Variants in ANO6 observed in about 807,000 individuals in gnomAD.
The protein encoded by ANO6 is anoctamin 6, also known as anoctamin-6.
ANO6 carries 106 observed loss-of-function variants against 117.5 expected under a neutral mutation model. That is an observed-to-expected ratio of 0.90 (90% CI 0.77 to 1.06). ANO6 has a LOEUF of 1.06. Ranked by LOEUF, ANO6 falls within the 50% of genes least tolerant of loss-of-function variation. The probability of loss-of-function intolerance (pLI) is 0.00; values close to 1 mark genes in which losing one functional copy is unlikely to be tolerated. For missense variants in ANO6, 955 were observed against 1,121.1 expected (o/e 0.85, Z 2.12); for synonymous variants, 367 against 385.1 (o/e 0.95, Z 0.55).
chr12:45,389,233 A>G lies in ANO6; in HGVS notation c.1308+930A>G, dbSNP rs561384440. On this transcript the variant is annotated intron_variant, in intron 11 of 19. Transcript: ENST00000320560. ...TACAAATGGGAAAAAACGAGGTTCA[A>G]TTACCAGTAGAAAGTGACATTTGTC... 4.6e-5 allele frequency among the ~76,000 whole-genome samples: 7 copies of G among 152,358 alleles called. No individual in the cohort carries two copies. The East Asian group carries it at 7.7e-4, about 17-fold the overall frequency.
chr12:45,392,115 G>A (rs1942470051), intron 12 of ANO6, among the ~76,000 whole-genome samples: 1 of 152,218 alleles, frequency 6.6e-6, no homozygotes, highest in African/African-American at 2.4e-5. Flanking sequence ...AGCCGTGACA[G>A]ACTATCTGGA....
chr12:45,247,861 G>C (rs1947848747), intron 1 of ANO6, among the ~76,000 whole-genome samples: 1 of 152,152 alleles, frequency 6.6e-6, no homozygotes, highest in South Asian at 2.1e-4. Context: ...CATTGTACTG[G>C]GGGTTAGAGC....
intron 16 of ANO6, among the ~76,000 whole-genome samples, chr12:45,410,214 C>T (rs1943051611): frequency 6.6e-6 from 1 of 152,220 alleles, no homozygotes; most frequent in South Asian, 2.1e-4. Context: ...CCTGCAGGAG[C>T]ATGCAGCTTC....
rs1358332912 is a variant in ANO6 at position 45,405,108 on chromosome 12, T to TA, written c.1880+1573dup. On this transcript the variant is annotated intron_variant, in intron 15 of 19. Transcript: ENST00000320560. ...AGCTGTGAAATTCTTTTTTTTTTTT[T>TA]ATCCTACTCCGGAGAAAACAACCCT... 1.1e-4 allele frequency among the ~76,000 whole-genome samples: 17 copies of TA among 152,190 alleles called. No homozygotes were observed. In the East Asian group the frequency reaches 2.3e-3, roughly 21 times the overall value.
At position 45,421,289 on chromosome 12, in the gene ANO6, C is replaced by T. The variant is rs1943358566; in HGVS notation, c.2420+16C>T. 3 of 1,612,134 alleles carry T rather than the reference C, an allele frequency of 1.9e-6. No individual in the cohort carries two copies. The highest frequency in any genetic ancestry group is 2.2e-5 in the East Asian group (1 of 44,822). ...CCACATGCAGGCAAGTTCTGCTTTA[C>T]TTGTTTAAAAATGCACTTCATCTTT... On this transcript the variant is annotated intron_variant, in intron 18 of 19. Transcript: ENST00000320560.
intron 1 of ANO6, among the ~76,000 whole-genome samples, chr12:45,273,061 G>A (rs1938439649): frequency 6.6e-6 from 1 of 152,176 alleles, no homozygotes; most frequent in African/African-American, 2.4e-5. Context: ...GACACAGAAA[G>A]ACAAATACTG....
At chr12:45,341,691 T>C (rs1300227833) in intron 3 of ANO6, among the ~76,000 whole-genome samples, 1 of 152,142 alleles carries the variant, frequency 6.6e-6, no homozygotes. Flanking sequence ...GTGACTCTCA[T>C]AGTGTTCCTG....
At chr12:45,258,525 A>G (rs900627650) in intron 1 of ANO6, among the ~76,000 whole-genome samples, 1 of 151,432 alleles carries the variant, frequency 6.6e-6, no homozygotes, top group South Asian at 2.1e-4. Context: ...CTATCCTCAT[A>G]CTCCTCTTTA....
At chr12:45,275,601 G>C (rs1449308352) in intron 1 of ANO6, among the ~76,000 whole-genome samples, 1 of 152,144 alleles carries the variant, frequency 6.6e-6, no homozygotes, top group Non-Finnish European at 1.5e-5. Context: ...TGTTACGTAT[G>C]GTGTCTTTTC....
chr12:45,248,479 G>A (rs1460545194), intron 1 of ANO6, among the ~76,000 whole-genome samples: 3 of 148,846 alleles, frequency 2.0e-5, no homozygotes, highest in Admixed American at 2.0e-4. Context: ...TGTCGCCCAG[G>A]CTGGAGTGGA....
chr12:45,341,497 CAT>C, intron 3 of ANO6, among the ~76,000 whole-genome samples: 1 of 152,166 alleles, frequency 6.6e-6, no homozygotes, highest in African/African-American at 2.4e-5. Flanking sequence ...CTATGATATT[CAT>C]ATGTGCTATA....
intron 1 of ANO6, among the ~76,000 whole-genome samples, chr12:45,258,515 C>G (rs1311773300): frequency 6.6e-6 from 1 of 152,124 alleles, no homozygotes; most frequent in East Asian, 1.9e-4. Flanking sequence ...TTGGTGCCCT[C>G]TATCCTCATA....
At chr12:45,380,638 G>A (rs1942145167) in intron 10 of ANO6, among the ~76,000 whole-genome samples, 1 of 152,164 alleles carries the variant, frequency 6.6e-6, no homozygotes, top group Admixed American at 6.5e-5. Flanking sequence ...ATCAGATCTG[G>A]AACCCTAGCT....
intron 2 of ANO6, among the ~76,000 whole-genome samples, chr12:45,308,072 T>TTTTTTTG (rs71093873): frequency 1.4e-5 from 2 of 139,146 alleles, no homozygotes; most frequent in African/African-American, 2.8e-5. Flanking sequence ...TTTTTTTTTT[T>TTTTTTTG]GCCAAGCAAG....
downstream of ANO6, among the ~76,000 whole-genome samples, chr12:45,437,102 C>T (rs2137755698): frequency 6.6e-6 from 1 of 152,318 alleles, no homozygotes; most frequent in South Asian, 2.1e-4. Flanking sequence ...CCTTGTCAGC[C>T]ATGAAATTCT....
intron 10 of ANO6, among the ~76,000 whole-genome samples, chr12:45,381,451 G>C (rs775249552): frequency 6.6e-6 from 1 of 152,186 alleles, no homozygotes; most frequent in Non-Finnish European, 1.5e-5. Context: ...ATTTCTGTCT[G>C]TGATCATGCA....
At chr12:45,433,689 TCGTCAC>T (rs60282823), downstream of ANO6, among the ~76,000 whole-genome samples, 8,677 of 152,164 alleles carry the variant, frequency 0.057, 830 homozygotes, top group African/African-American at 0.2. Context: ...CTTTGAGCCC[TCGTCAC>T]CGTCACCGTT....
At chr12:45,388,984 A>G (rs991510595) in intron 11 of ANO6, among the ~76,000 whole-genome samples, 2 of 152,238 alleles carry the variant, frequency 1.3e-5, no homozygotes, top group Non-Finnish European at 2.9e-5. Context: ...AATCATCTGC[A>G]TTCTTGCTTC....
intron 3 of ANO6, among the ~76,000 whole-genome samples, chr12:45,339,279 T>C (rs904733510): frequency 6.6e-6 from 1 of 152,106 alleles, no homozygotes; most frequent in Non-Finnish European, 1.5e-5. Flanking sequence ...GCTGAGTCAG[T>C]ACTTCCAGGG....
Sources: gnomAD v4.1 joint callset for allele counts (sites outside exome capture counted in the v4.1 genomes callset) on GRCh38, gnomAD v4.1.1 for gene constraint, MANE v1.5 for transcripts, NCBI Gene and HGNC (gene_info 2026-07-23, HGNC 2026-07-21) for gene names.